Variants in ITGB3 observed in about 807,000 individuals in gnomAD.
ITGB3 encodes integrin beta-3.
In ITGB3, 48 loss-of-function variants were observed where a neutral mutation model predicts 85.8. The ratio of observed to expected loss-of-function variants is 0.56; its 90% CI spans 0.44 to 0.71. The LOEUF is 0.71. ITGB3 is among the 30% of genes least tolerant of loss of function. The pLI, the probability that ITGB3 is intolerant of heterozygous loss-of-function variation, is 0.00. For synonymous variants in ITGB3, 363 were observed against 395.6 expected (o/e 0.92, Z 0.98); for missense variants, 861 against 1,019.1 (o/e 0.84, Z 2.11).
chr17:47,264,813 A>T (rs2065020074), intron 1 of ITGB3, among the ~76,000 whole-genome samples: 2 of 152,158 alleles, frequency 1.3e-5, no homozygotes. Context: ...CTCCACAGAG[A>T]GACCTTTTCT....
chr17:47,272,799 A>C (rs1407257867), intron 1 of ITGB3, among the ~76,000 whole-genome samples: 1 of 139,190 alleles, frequency 7.2e-6, no homozygotes, highest in Non-Finnish European at 1.5e-5. Flanking sequence ...TCTGAGATGG[A>C]GTCTCACTGT....
At chr17:47,266,959 A>G (rs1318086072) in intron 1 of ITGB3, among the ~76,000 whole-genome samples, 2 of 152,150 alleles carry the variant, frequency 1.3e-5, no homozygotes, top group East Asian at 3.8e-4. Flanking sequence ...TTCTGGCTCC[A>G]CGCTCCCACG....
intron 10 of ITGB3, among the ~76,000 whole-genome samples, chr17:47,292,924 T>C (rs2065132933): frequency 6.6e-6 from 1 of 152,242 alleles, no homozygotes; most frequent in South Asian, 2.1e-4. Flanking sequence ...GAAAATGGTG[T>C]AATGCTCTTG....
intron 6 of ITGB3, among the ~76,000 whole-genome samples, chr17:47,288,485 G>A (rs574986550): frequency 6.6e-6 from 1 of 152,146 alleles, no homozygotes; most frequent in African/African-American, 2.4e-5. Context: ...GGTATCTGGG[G>A]CAGGTGTGAA....
At chr17:47,289,803 G>A in intron 7 of ITGB3, 27 bp downstream of exon 7, 1 of 1,549,814 alleles carries the variant, frequency 6.5e-7, no homozygotes, top group Non-Finnish European at 8.9e-7. Context: ...GCTTCCTGGA[G>A]TGGGCCCTGT....
At chr17:47,276,565 T>C (rs1415140268) in intron 2 of ITGB3, among the ~76,000 whole-genome samples, 1 of 152,102 alleles carries the variant, frequency 6.6e-6, no homozygotes, top group Non-Finnish European at 1.5e-5. Flanking sequence ...TCCAGTAAGA[T>C]ATTCCCTGGG....
intron 2 of ITGB3, among the ~76,000 whole-genome samples, chr17:47,278,402 A>G (rs2065071039): frequency 1.3e-5 from 2 of 152,120 alleles, no homozygotes; most frequent in African/African-American, 2.4e-5. Flanking sequence ...CCAACATGGC[A>G]AAACCCCGTC....
intron 1 of ITGB3, among the ~76,000 whole-genome samples, chr17:47,272,141 C>T (rs557757827): frequency 1.3e-4 from 19 of 149,878 alleles, no homozygotes; most frequent in Admixed American, 5.3e-4. Flanking sequence ...CCACAAGCTC[C>T]GCCTCCTGAG....
chr17:47,290,984 C>G lies in ITGB3; in HGVS notation c.1156C>G (p.Arg386Gly), dbSNP rs760480847. Residue 386 changes from arginine to glycine, a missense_variant, in exon 9 of 15, where the codon CGT becomes GGT. By Grantham distance (125) the Arg-to-Gly change is moderately radical. Coordinates refer to ENST00000559488, the MANE Select transcript of ITGB3 (RefSeq NM_000212.3). ...CCGTTCTAAAGTAGAGCTGGAAGTGCGTGACCTCCCTGAAGAGTTGTCTCT... is the reference window on the plus strand; with the variant it reads ...CCGTTCTAAAGTAGAGCTGGAAGTGGGTGACCTCCCTGAAGAGTTGTCTCT... ...KIRSKVELEV[R>G]DLPEELSLSF... 5 of 1,614,044 alleles carry G rather than the reference C, an allele frequency of 3.1e-6. No homozygotes were observed. The Admixed American group carries it at 8.3e-5, about 27-fold the overall frequency.
Position 47,302,776 on chromosome 17 carries a change from C to T in ITGB3, c.2070C>T (p.Val690=), listed in dbSNP as rs766843457. 33 of 1,613,766 alleles carry T rather than the reference C, an allele frequency of 2.0e-5. No individual in the cohort carries two copies. The highest frequency in any genetic ancestry group is 1.6e-4 in the South Asian group (15 of 91,068). The change falls in exon 13 of 15, where the codon GTC becomes GTT. Residue 690 remains valine (V), a synonymous_variant. Coordinates refer to ENST00000559488, the MANE Select transcript of ITGB3 (RefSeq NM_000212.3). ...CCTATAAGAATGAGGATGACTGTGT[C>T]GTCAGATTCCAGTACTATGAAGATT... ...NCTYKNEDDC[V]VRFQYYEDSS... is the part of the protein sequence containing the mutation.
chr17:47,287,205 A>G lies in ITGB3; in HGVS notation c.913A>G (p.Asn305Asp). Residue 305 changes from asparagine to aspartate, a missense_variant, in exon 6 of 15, where the codon AAT becomes GAT. Transcript: ENST00000559488. ...NDGQCHVGSD[N>D]HYSASTTMDY... Reference sequence around the variant, plus strand: ...CGGGCAGTGTCATGTTGGTAGTGACAATCATTACTCTGCCTCCACTACCAT... The same window carrying G: ...CGGGCAGTGTCATGTTGGTAGTGACGATCATTACTCTGCCTCCACTACCAT... 1 of 1,613,982 alleles carries G rather than the reference A, an allele frequency of 6.2e-7. No homozygotes were observed. The highest frequency in any genetic ancestry group is 8.5e-7 in the Non-Finnish European group (1 of 1,179,866).
intron 13 of ITGB3, 33 bp downstream of exon 13, chr17:47,302,873 C>T: frequency 6.2e-7 from 1 of 1,613,326 alleles, no homozygotes; most frequent in Middle Eastern, 1.7e-4. Flanking sequence ...CGGCCCTGCC[C>T]CAGGAGGGAG....
At chr17:47,302,061 G>A (rs2065169260) in intron 12 of ITGB3, among the ~76,000 whole-genome samples, 1 of 152,134 alleles carries the variant, frequency 6.6e-6, no homozygotes, top group African/African-American at 2.4e-5. Flanking sequence ...GGTTTCATCA[G>A]TATGGGGCAC....
At chr17:47,300,674 G>A (rs1427373936) in intron 12 of ITGB3, 96 bp downstream of exon 12, 2 of 874,158 alleles carry the variant, frequency 2.3e-6, no homozygotes, top group Non-Finnish European at 3.7e-6. Flanking sequence ...TAAAATGGAA[G>A]CGTGACTTCT....
At chr17:47,259,318 A>C (rs2065001078) in intron 1 of ITGB3, 1 of 4,178 alleles carries the variant, frequency 2.4e-4, no homozygotes, top group Admixed American at 3.1e-3. Context: ...AACCCACTTG[A>C]CTTTTTTTTT....
At chr17:47,276,486 T>C (rs952976090) in intron 2 of ITGB3, among the ~76,000 whole-genome samples, 1 of 152,018 alleles carries the variant, frequency 6.6e-6, no homozygotes, top group Admixed American at 6.5e-5. Context: ...GCCTAGGAAT[T>C]AGGGGTGCAG....
chr17:47,287,787 A>G (rs7218632), intron 6 of ITGB3, among the ~76,000 whole-genome samples: 54,793 of 151,656 alleles, frequency 0.36, 10,193 homozygotes, highest in East Asian at 0.58. Flanking sequence ...GTTTGTGCCT[A>G]TGGTCCCAGC....
chr17:47,292,057 G>C (rs2065128411), intron 9 of ITGB3, 82 bp from the exon 10 acceptor site: 1 of 1,457,276 alleles, frequency 6.9e-7, no homozygotes, highest in Non-Finnish European at 9.6e-7. Flanking sequence ...TGGCAGGGCA[G>C]GGAACAACTT....
chr17:47,257,399 C>T (rs2064994263), intron 1 of ITGB3, among the ~76,000 whole-genome samples: 1 of 152,142 alleles, frequency 6.6e-6, no homozygotes, highest in African/African-American at 2.4e-5. Flanking sequence ...ATAAGAAAAC[C>T]TCAAGCCCTG....
Sources: allele counts gnomAD v4.1 joint callset (sites outside exome capture counted in the v4.1 genomes callset), GRCh38; gene constraint gnomAD v4.1.1; transcripts MANE v1.5; gene names NCBI Gene and HGNC (gene_info 2026-07-23, HGNC 2026-07-21).